The following MCM2 variants were observed in gnomAD, a reference collection of about 807,000 sequenced individuals.
The protein encoded by MCM2 is DNA replication licensing factor MCM2.
A neutral mutation model predicts 86.4 loss-of-function variants in MCM2; 49 were observed. The ratio of observed to expected loss-of-function variants is 0.57; its 90% CI spans 0.45 to 0.72. The LOEUF (loss-of-function observed/expected upper bound fraction) is 0.72. Among genes scored for constraint, MCM2 ranks in the 30% least tolerant of loss-of-function variants. The pLI, the probability that MCM2 is intolerant of heterozygous loss-of-function variation, is 0.00. For synonymous variants in MCM2, 475 were observed against 484.6 expected (o/e 0.98, Z 0.26); for missense variants, 1,038 against 1,259.9 (o/e 0.82, Z 2.67).
intron 2 of MCM2, among the ~76,000 whole-genome samples, chr3:127,599,899 GA>G (rs1249440344): frequency 2.6e-5 from 4 of 152,366 alleles, no homozygotes; most frequent in African/African-American, 9.6e-5. Flanking sequence ...GTGCATGGGG[GA>G]GGAGGGATCT....
At chr3:127,616,832 C>T (rs1414098769) in intron 9 of MCM2, 36 bp from the exon 10 acceptor site, 1 of 1,598,284 alleles carries the variant, frequency 6.3e-7, no homozygotes, top group Middle Eastern at 1.9e-4. Flanking sequence ...TCACTTCCCA[C>T]TCTCCCCCTC....
intron 8 of MCM2, among the ~76,000 whole-genome samples, chr3:127,612,942 T>C (rs2074410035): frequency 6.6e-6 from 1 of 152,218 alleles, no homozygotes; most frequent in African/African-American, 2.4e-5. Flanking sequence ...CATGAGGTAA[T>C]TCATGGAAAG....
At position 127,608,453 on chromosome 3, in the gene MCM2, C is replaced by G; in HGVS notation, c.1173C>G (p.Pro391=). The change falls in exon 7 of 16, where the codon CCC becomes CCG. Residue 391 remains proline, a synonymous_variant. Transcript: ENST00000265056. Reference sequence around the variant, plus strand: ...GCAAAGTGGCGGCTGGCCGGCTGCCCCGCTCCAAGGACGCCATTCTCCTCG... The same window carrying G: ...GCAAAGTGGCGGCTGGCCGGCTGCCGCGCTCCAAGGACGCCATTCTCCTCG... ...SPGKVAAGRL[P]RSKDAILLAD... is the part of the protein sequence containing the mutation. 3.7e-6 allele frequency: 6 copies of G among 1,614,206 alleles called. No homozygotes were observed. The East Asian group carries it at 6.7e-5, about 18-fold the overall frequency.
intron 8 of MCM2, among the ~76,000 whole-genome samples, chr3:127,613,314 G>A (rs1239727121): frequency 2.0e-5 from 3 of 152,214 alleles, no homozygotes; most frequent in Non-Finnish European, 2.9e-5. Context: ...CATCCAGCAC[G>A]AGGTGTGTTG....
chr3:127,606,776 G>C lies in MCM2; in HGVS notation c.1060G>C (p.Glu354Gln). The change falls in exon 6 of 16, where the codon GAG becomes CAG. Residue 354 changes from glutamate to glutamine, a missense_variant. This residue lies in a region of MCM2 where 399 missense variants were observed against 507.2 expected (regional missense o/e 0.79). Coordinates refer to ENST00000265056, the MANE Select transcript of MCM2 (RefSeq NM_004526.4). This position sits in a 1 kb window ranked among gnomAD's most constrained non-coding sequence, Gnocchi z 4.2. ...NQEVKPGSCPECQSAGPFEVN... is the reference protein window; with the variant it reads ...NQEVKPGSCPQCQSAGPFEVN... ...GGAGGTGAAACCAGGCTCCTGTCCT[G>C]AGTGCCAGTCGGCCGGCCCCTTTGA... is the stretch of plus-strand genomic sequence containing the variant. The C allele has an allele frequency of 1.2e-6, 2 of 1,614,264 alleles. No homozygotes were observed. Among genetic ancestry groups the C allele is most frequent in the Non-Finnish European group, 8.5e-7 (1 of 1,180,054 alleles).
intron 2 of MCM2, among the ~76,000 whole-genome samples, chr3:127,601,641 C>T (rs1261607315): frequency 3.9e-5 from 6 of 152,348 alleles, no homozygotes; most frequent in African/African-American, 1.4e-4. Flanking sequence ...GCTGGGATTA[C>T]AGGTGTGAGC....
In MCM2 at chr3:127,605,004, T is replaced by C; in HGVS notation, c.521T>C (p.Leu174Pro). The change falls in exon 4 of 16, where the codon CTG becomes CCG. Residue 174 changes from leucine (L) to proline (P), a missense_variant. By Grantham distance (98) the Leu-to-Pro change is moderately conservative. Coordinates refer to ENST00000265056, the MANE Select transcript of MCM2 (RefSeq NM_004526.4). ...DEEMIESIEN[L>P]EDLKGHSVRE... ...GAGATGATCGAGAGCATCGAGAACC[T>C]GGAGGATCTCAAAGGCCACTCTGTG... 1 of 1,614,018 alleles carries C rather than the reference T, an allele frequency of 6.2e-7. No homozygotes were observed. The highest frequency in any genetic ancestry group is 1.1e-5 in the South Asian group (1 of 91,086).
At chr3:127,614,593 C>T (rs2074420414) in intron 8 of MCM2, among the ~76,000 whole-genome samples, 1 of 152,180 alleles carries the variant, frequency 6.6e-6, no homozygotes, top group South Asian at 2.1e-4. Flanking sequence ...CCTCTGTCAC[C>T]TGTGTTTTCT....
chr3:127,621,789 A>G lies in MCM2; in HGVS notation c.*16A>G, dbSNP rs1488160200. The G allele has an allele frequency of 3.8e-6, 6 of 1,599,832 alleles. No homozygotes were observed. The highest frequency in any genetic ancestry group is 5.1e-6 in the Non-Finnish European group (6 of 1,167,898). On this transcript the variant is annotated 3_prime_UTR_variant, in exon 16 of 16. Transcript: ENST00000265056. Reference sequence around the variant, plus strand: ...GCAGTTCTGAGGCCCTATGCCATCCATAAGGATTCCTTGGGATTCTGGTTT... The same window carrying G: ...GCAGTTCTGAGGCCCTATGCCATCCGTAAGGATTCCTTGGGATTCTGGTTT...
In MCM2 at chr3:127,617,216, T is replaced by C; in HGVS notation, c.1774-63T>C. 6.2e-7 allele frequency: 1 copy of C among 1,607,496 alleles called. No homozygotes were observed. Among genetic ancestry groups the C allele is most frequent in the Non-Finnish European group, 8.5e-7 (1 of 1,175,188 alleles). On this transcript the variant is annotated intron_variant, in intron 10 of 15. Transcript: ENST00000265056. The surrounding 1 kb of genome is among the most constrained non-coding windows in gnomAD (Gnocchi z 4.1). ...GGTGTTAATGGGGTCCATTGGGACCTCATCGGAGACTTAGTAGTAGGGGCG... is the reference window on the plus strand; with the variant it reads ...GGTGTTAATGGGGTCCATTGGGACCCCATCGGAGACTTAGTAGTAGGGGCG...
chr3:127,621,039 G>T, intron 14 of MCM2, 34 bp from the exon 15 acceptor site: 1 of 1,610,610 alleles, frequency 6.2e-7, no homozygotes, highest in Admixed American at 1.7e-5. Context: ...GGCGTAGTGG[G>T]AGCGGGTGTT....
chr3:127,619,055 G>A lies in MCM2; in HGVS notation c.2042G>A (p.Gly681Asp), dbSNP rs1454876163. 6.2e-7 allele frequency: 1 copy of A among 1,608,430 alleles called. No homozygotes were observed. Among genetic ancestry groups the A allele is most frequent in the Non-Finnish European group, 8.5e-7 (1 of 1,176,174 alleles). The stretch of plus-strand genomic sequence containing the variant: ...GAGATGCTGGCCCGCTTCGTGGTGG[G>A]CAGCCACGTCAGACACCACCCCAGC... ...QDEMLARFVV[G>D]SHVRHHPSNK... The change falls in exon 13 of 16, where the codon GGC becomes GAC. Residue 681 changes from glycine to aspartate, a missense_variant. Physicochemically the swap from Gly to Asp is moderately conservative, Grantham distance 94 (BLOSUM62 -1). Coordinates refer to ENST00000265056, the MANE Select transcript of MCM2 (RefSeq NM_004526.4).
Position 127,606,445 on chromosome 3 carries a change from G to A in MCM2, c.893+108G>A. ...GTGGGCGGGGAGGGTGCAGCCAGCA[G>A]CATCCTCATCGCAGGTGAGTTGTGG... On this transcript the variant is annotated intron_variant, in intron 5 of 15. Coordinates refer to ENST00000265056, the MANE Select transcript of MCM2 (RefSeq NM_004526.4). The surrounding 1 kb of genome is among the most constrained non-coding windows in gnomAD (Gnocchi z 4.2). The A allele has an allele frequency of 8.0e-7, 1 of 1,242,256 alleles. No individual in the cohort carries two copies. The highest frequency in any genetic ancestry group is 1.1e-6 in the Non-Finnish European group (1 of 875,270). 77.0% of individuals were successfully genotyped at this position (1,242,256 alleles called of 1,614,324 possible). A position where few individuals can be genotyped will look rare whatever the true frequency, so the allele number is the denominator to read the frequency against.
Position 127,616,905 on chromosome 3 carries a change from C to T in MCM2, c.1560C>T (p.Leu520=), listed in dbSNP as rs57045995. ...KHKVRGDINV[L]LCGDPGTAKS... ...AGGTACGTGGTGATATCAACGTGCT[C>T]TTGTGCGGAGACCCTGGCACAGCGA... Residue 520 remains leucine, a synonymous_variant, in exon 10 of 16, where the codon CTC becomes CTT. Transcript: ENST00000265056. 598 of 1,614,172 alleles carry T rather than the reference C, an allele frequency of 3.7e-4. 5 individuals are homozygous for T. In the African/African-American group the frequency reaches 7.3e-3, roughly 20 times the overall value.
At chr3:127,598,580 G>C in intron 1 of MCM2, 108 bp downstream of exon 1, 3 of 1,421,664 alleles carry the variant, frequency 2.1e-6, no homozygotes, top group Non-Finnish European at 2.8e-6. Flanking sequence ...GTGAGGCTGG[G>C]CCCCAGGCTC....
intron 2 of MCM2, 130 bp from the exon 3 acceptor site, chr3:127,604,478 C>A: frequency 1.2e-6 from 1 of 846,382 alleles, no homozygotes; most frequent in Non-Finnish European, 1.9e-6. Flanking sequence ...GTGTTTCTGA[C>A]CTGGAAGCGC....
chr3:127,599,573 C>A, intron 2 of MCM2, 26 bp downstream of exon 2: 1 of 1,587,592 alleles, frequency 6.3e-7, no homozygotes, highest in South Asian at 1.1e-5. Flanking sequence ...GCCCTGGACT[C>A]AGCAGATAGT....
At chr3:127,598,838 C>G (rs2074279158) in intron 1 of MCM2, 1 of 390,382 alleles carries the variant, frequency 2.6e-6, no homozygotes, top group South Asian at 4.5e-5. Context: ...CCAAACACTA[C>G]ACTTACTTTT....
chr3:127,604,812 G>A (rs781120190), intron 3 of MCM2, 29 bp downstream of exon 3: 109 of 1,573,624 alleles, frequency 6.9e-5, no homozygotes, highest in Non-Finnish European at 1.3e-5. Flanking sequence ...CTGCCCGAGG[G>A]ACTGGGAAGC....
Sources: allele counts gnomAD v4.1 joint callset (sites outside exome capture counted in the v4.1 genomes callset), GRCh38; gene constraint gnomAD v4.1.1; regional missense constraint gnomAD v4.1.1; non-coding constraint Gnocchi (gnomAD v3.1); transcripts MANE v1.5; gene names NCBI Gene and HGNC (gene_info 2026-07-23, HGNC 2026-07-21).